Variants in PCDHAC2 observed in about 807,000 individuals in gnomAD.
PCDHAC2 encodes protocadherin alpha subfamily C, 2.
Under a neutral mutation model 63.3 loss-of-function variants are expected in PCDHAC2, and 24 were observed. That is an observed-to-expected ratio of 0.38 (90% CI 0.27 to 0.53). PCDHAC2 has a LOEUF of 0.53. PCDHAC2 is among the 20% of genes least tolerant of loss of function. The pLI, the probability that PCDHAC2 is intolerant of heterozygous loss-of-function variation, is 0.81. For missense variants in PCDHAC2, 1,181 were observed against 1,275.2 expected, an observed-to-expected ratio of 0.93 and a Z score of 1.12; for synonymous variants, 569 against 529.4, an observed-to-expected ratio of 1.07 and a Z score of -1.03.
intron 3 of PCDHAC2, among the ~76,000 whole-genome samples, chr5:140,985,103 A>G (rs1342526252): frequency 6.6e-6 from 1 of 151,694 alleles, no homozygotes; most frequent in African/African-American, 2.4e-5. Context: ...AAGCCTGGCT[A>G]ATTTTTTGTG....
At chr5:140,997,668 T>TTGTGTGTGTGTGTGTGTG (rs35184029) in intron 3 of PCDHAC2, among the ~76,000 whole-genome samples, 77 of 148,344 alleles carry the variant, frequency 5.2e-4, no homozygotes, top group African/African-American at 1.8e-3. Context: ...ATTATACAGC[T>TTGTGTGTGTGTGTGTGTG]TGTGTGTGTG....
intron 1 of PCDHAC2, among the ~76,000 whole-genome samples, chr5:140,971,541 G>A (rs544682624): frequency 6.6e-6 from 1 of 152,172 alleles, no homozygotes; most frequent in Non-Finnish European, 1.5e-5. Context: ...ATCATTGCCA[G>A]ATCAACCTGT....
intron 2 of PCDHAC2, chr5:140,982,223 TA>T: frequency 5.2e-6 from 3 of 580,212 alleles, no homozygotes; most frequent in East Asian, 4.0e-5. Context: ...ATGGCGTTAA[TA>T]AAAAACAGAA....
chr5:141,011,626 C>T lies in PCDHAC2; in HGVS notation c.*1689C>T, dbSNP rs1340546254. 6.5e-6 allele frequency: 1 copy of T among 153,668 alleles called. No individual in the cohort carries two copies. Among genetic ancestry groups the T allele is most frequent in the Non-Finnish European group, 1.5e-5 (1 of 68,026 alleles). The allele number at this position is 153,668 out of a possible 1,614,324, so 9.5% of individuals were successfully genotyped here. On this transcript the variant is annotated 3_prime_UTR_variant, in exon 4 of 4. Transcript: ENST00000289269. Reference sequence around the variant, plus strand: ...ATTTTATTTATGGTCCAGCCAAGAGCCATCTCGTGCCAAGACTTCTGCTGG... The same window carrying T: ...ATTTTATTTATGGTCCAGCCAAGAGTCATCTCGTGCCAAGACTTCTGCTGG...
chr5:140,989,538 T>G (rs1254500205), intron 3 of PCDHAC2, among the ~76,000 whole-genome samples: 3 of 152,180 alleles, frequency 2.0e-5, no homozygotes, highest in Non-Finnish European at 4.4e-5. Flanking sequence ...GAAGATAGTT[T>G]GTAATTCCTT....
chr5:141,004,037 G>A (rs946974688), intron 3 of PCDHAC2, among the ~76,000 whole-genome samples: 1 of 152,200 alleles, frequency 6.6e-6, no homozygotes, highest in African/African-American at 2.4e-5. Flanking sequence ...TTCCTTGATT[G>A]ATCATTTGCT....
intron 3 of PCDHAC2, among the ~76,000 whole-genome samples, chr5:140,998,767 T>C (rs367972918): frequency 5.3e-5 from 8 of 152,312 alleles, no homozygotes; most frequent in African/African-American, 1.9e-4. Flanking sequence ...TTTCACTATG[T>C]TGGTCAGGCT....
At chr5:141,009,529 T>G in intron 3 of PCDHAC2, 98 bp from the exon 4 acceptor site, 1 of 1,505,630 alleles carries the variant, frequency 6.6e-7, no homozygotes, top group Non-Finnish European at 8.9e-7. Context: ...TCTGGGGAGG[T>G]TCAGCCTGCC....
intron 3 of PCDHAC2, among the ~76,000 whole-genome samples, chr5:141,000,919 A>AT (rs2097975024): frequency 6.6e-6 from 1 of 152,134 alleles, no homozygotes; most frequent in Non-Finnish European, 1.5e-5. Flanking sequence ...AAAAAAAAAA[A>AT]TCCTGTGTGA....
chr5:141,005,666 C>T (rs1304126376), intron 3 of PCDHAC2, among the ~76,000 whole-genome samples: 2 of 130,134 alleles, frequency 1.5e-5, no homozygotes, highest in Non-Finnish European at 3.1e-5. Context: ...CGCGCCACTG[C>T]ACTCCAGCCT....
At chr5:140,994,563 G>A (rs1554254253) in intron 3 of PCDHAC2, among the ~76,000 whole-genome samples, 1 of 151,976 alleles carries the variant, frequency 6.6e-6, no homozygotes, top group Non-Finnish European at 1.5e-5. Flanking sequence ...AAATTAGCCG[G>A]GTGTGGTGGC....
chr5:141,006,618 A>G (rs74748321), intron 3 of PCDHAC2, among the ~76,000 whole-genome samples: 53 of 152,290 alleles, frequency 3.5e-4, no homozygotes, highest in African/African-American at 1.3e-3. Flanking sequence ...GAATAAGGAG[A>G]CTATTGCTGC....
chr5:140,997,864 C>A (rs2097788719), intron 3 of PCDHAC2, among the ~76,000 whole-genome samples: 1 of 152,100 alleles, frequency 6.6e-6, no homozygotes, highest in South Asian at 2.1e-4. Context: ...ATTTCTTATG[C>A]ATGCTTGCTA....
chr5:141,010,923 A>T lies in PCDHAC2; in HGVS notation c.*986A>T, dbSNP rs184389417. The T allele has an allele frequency of 4.0e-3, 619 of 153,912 alleles. 3 individuals are homozygous for T. Among genetic ancestry groups the T allele is most frequent in the Admixed American group, 6.2e-3 (95 of 15,302 alleles). The allele number at this position is 153,912 out of a possible 1,614,324, so 9.5% of individuals were successfully genotyped here. A position where few individuals can be genotyped will look rare whatever the true frequency, so the allele number is the denominator to read the frequency against. ...TCCCCTAAACTCTCCTCAAAAGAGA[A>T]TTCAGTCTACAGCCATTTAAATGAT... On this transcript the variant is annotated 3_prime_UTR_variant, in exon 4 of 4. Coordinates refer to ENST00000289269, the MANE Select transcript of PCDHAC2 (RefSeq NM_018899.6).
At chr5:140,969,670 T>C (rs1481481821) in intron 1 of PCDHAC2, among the ~76,000 whole-genome samples, 1 of 152,192 alleles carries the variant, frequency 6.6e-6, no homozygotes, top group African/African-American at 2.4e-5. Context: ...AGTAATGTTA[T>C]GAGACTCAAG....
At chr5:141,009,255 G>A (rs2098403504) in intron 3 of PCDHAC2, among the ~76,000 whole-genome samples, 1 of 152,162 alleles carries the variant, frequency 6.6e-6, no homozygotes. Context: ...CAGTGTTTGA[G>A]ACCAGCCTGG....
Position 141,009,823 on chromosome 5 carries a change from C to T in PCDHAC2, c.2910C>T (p.Phe970=), listed in dbSNP as rs2098414711. Residue 970 remains phenylalanine, a synonymous_variant, in exon 4 of 4, where the codon TTC becomes TTT. Transcript: ENST00000289269. The part of the protein sequence containing the change: ...PTNSQIDKSD[F]ITFGKKEETK... ...ACAGCCAAATTGACAAAAGTGACTTCATAACCTTCGGCAAAAAGGAGGAGA... is the reference window on the plus strand; with the variant it reads ...ACAGCCAAATTGACAAAAGTGACTTTATAACCTTCGGCAAAAAGGAGGAGA... 4 of 1,614,030 alleles carry T rather than the reference C, an allele frequency of 2.5e-6. No individual in the cohort carries two copies. The highest frequency in any genetic ancestry group is 3.4e-6 in the Non-Finnish European group (4 of 1,180,010).
intron 1 of PCDHAC2, among the ~76,000 whole-genome samples, chr5:140,971,604 A>G (rs2096487974): frequency 6.6e-6 from 1 of 152,160 alleles, no homozygotes; most frequent in Admixed American, 6.5e-5. Flanking sequence ...TACAGATGGC[A>G]GGAGAGTCCT....
At chr5:140,970,442 A>G (rs1003756532) in intron 1 of PCDHAC2, among the ~76,000 whole-genome samples, 3 of 152,182 alleles carry the variant, frequency 2.0e-5, no homozygotes, top group Non-Finnish European at 4.4e-5. Flanking sequence ...TAGTATATGC[A>G]CTAGTTTTGA....
Sources: allele counts gnomAD v4.1 joint callset (sites outside exome capture counted in the v4.1 genomes callset), GRCh38; gene constraint gnomAD v4.1.1; transcripts MANE v1.5; gene names NCBI Gene and HGNC (gene_info 2026-07-23, HGNC 2026-07-21).